Variants in GPHN observed in about 807,000 individuals in gnomAD.
The protein encoded by GPHN is gephyrin.
A neutral mutation model predicts 95.5 loss-of-function variants in GPHN; 17 were observed. The observed-to-expected ratio is 0.18, with a 90% CI of 0.12 to 0.27. The LOEUF is 0.27. GPHN is among the 10% of genes least tolerant of loss of function. The pLI, the probability that GPHN is intolerant of heterozygous loss-of-function variation, is 1.00. For missense variants in GPHN, 660 were observed against 978.1 expected (o/e 0.67, Z 4.34); for synonymous variants, 320 against 322.5 (o/e 0.99, Z 0.08).
intron 3 of GPHN, among the ~76,000 whole-genome samples, chr14:66,807,055 T>G (rs1283082467): frequency 6.6e-6 from 1 of 152,150 alleles, no homozygotes; most frequent in East Asian, 1.9e-4. Context: ...TTTATTGGAC[T>G]TACAGTTTCA....
chr14:67,222,282 T>TTTTG, the GPHN span, among the ~76,000 whole-genome samples: 3 of 152,232 alleles, frequency 2.0e-5, no homozygotes, highest in East Asian at 1.9e-4. Context: ...TATTTAATGT[T>TTTTG]TTTGTTTGTT....
intron 2 of GPHN, among the ~76,000 whole-genome samples, chr14:66,754,513 G>A (rs907780319): frequency 2.6e-5 from 4 of 151,932 alleles, no homozygotes; most frequent in Non-Finnish European, 5.9e-5. Context: ...TATGCAGCAG[G>A]TGAAGAAATG....
At position 67,181,557 on chromosome 14, in the gene GPHN, A is replaced by C. The variant is rs748067732; in HGVS notation, c.*620A>C. The stretch of plus-strand genomic sequence containing the variant: ...GCAGTAACTGGACACCTTTTATTTG[A>C]AGAAACAAACTGAAGAAAAAATGCT... On this transcript the variant is annotated 3_prime_UTR_variant, in exon 23 of 23. Transcript: ENST00000478722. 1 of 466,378 alleles carries C rather than the reference A, an allele frequency of 2.1e-6. No homozygotes were observed. Among genetic ancestry groups the C allele is most frequent in the South Asian group, 1.7e-5 (1 of 57,430 alleles). The allele number at this position is 466,378 out of a possible 1,614,324, so 28.9% of individuals were successfully genotyped here.
intron 17 of GPHN, among the ~76,000 whole-genome samples, chr14:67,140,566 A>T (rs534727458): frequency 2.6e-5 from 4 of 152,256 alleles, no homozygotes; most frequent in African/African-American, 9.6e-5. Flanking sequence ...GTTATATATT[A>T]CAAGGTTTGT....
the GPHN span, chr14:67,294,603 A>G: frequency 6.6e-6 from 1 of 152,214 alleles, no homozygotes; most frequent in African/African-American, 2.4e-5. Flanking sequence ...TCAAATTTTA[A>G]GGTCTAGATT....
At chr14:66,745,024 C>T (rs914830383) in intron 2 of GPHN, among the ~76,000 whole-genome samples, 10 of 151,960 alleles carry the variant, frequency 6.6e-5, no homozygotes, top group African/African-American at 2.2e-4. Flanking sequence ...GACAAACGTG[C>T]CTTAAAAGAT....
At chr14:67,575,134 G>C in the GPHN span, among the ~76,000 whole-genome samples, 1 of 152,250 alleles carries the variant, frequency 6.6e-6, no homozygotes, top group Non-Finnish European at 1.5e-5. Context: ...CATATGCCTG[G>C]AGGGGACATC....
chr14:67,282,905 T>C, the GPHN span, among the ~76,000 whole-genome samples: 2 of 152,106 alleles, frequency 1.3e-5, no homozygotes, highest in African/African-American at 4.8e-5. Flanking sequence ...TTCACTGTTT[T>C]TGTGTTCTCA....
intron 12 of GPHN, 50 bp downstream of exon 12, chr14:67,089,125 C>CTTTTTTTTTTTTTTTTTT (rs1264164364): frequency 1.5e-5 from 5 of 329,562 alleles, no homozygotes; most frequent in East Asian, 8.1e-5. Flanking sequence ...ATTTTTTTTT[C>CTTTTTTTTTTTTTTTTTT]TTTTTTTCTT....
the GPHN span, among the ~76,000 whole-genome samples, chr14:67,705,322 T>C: frequency 5.3e-5 from 8 of 152,258 alleles, no homozygotes; most frequent in Non-Finnish European, 1.0e-4. Flanking sequence ...TAACACTTCA[T>C]GATTCAGAAA....
intron 9 of GPHN, among the ~76,000 whole-genome samples, chr14:66,970,911 C>G (rs1327580888): frequency 6.6e-6 from 1 of 152,216 alleles, no homozygotes; most frequent in African/African-American, 2.4e-5. Flanking sequence ...ATAATATTCT[C>G]TGCATTATTG....
At chr14:67,531,555 G>C in the GPHN span, among the ~76,000 whole-genome samples, 1 of 151,790 alleles carries the variant, frequency 6.6e-6, no homozygotes, top group South Asian at 2.1e-4. Flanking sequence ...CTATAGGGGA[G>C]AGCATGCTCC....
chr14:67,539,534 T>C, the GPHN span, among the ~76,000 whole-genome samples: 4 of 152,218 alleles, frequency 2.6e-5, no homozygotes, highest in Non-Finnish European at 2.9e-5. Flanking sequence ...GGGGAGATTA[T>C]GGTGTCAGAA....
the GPHN span, chr14:67,208,481 C>A: frequency 9.4e-6 from 15 of 1,591,480 alleles, no homozygotes; most frequent in African/African-American, 1.9e-4. Flanking sequence ...CAAAGGAATT[C>A]TAAGACATGA....
the GPHN span, chr14:67,589,619 T>C: frequency 5.1e-6 from 5 of 986,154 alleles, no homozygotes; most frequent in African/African-American, 7.0e-5. Context: ...GACAGACTCG[T>C]CTTTTGTAGG....
At chr14:67,466,951 C>T in the GPHN span, among the ~76,000 whole-genome samples, 1 of 145,558 alleles carries the variant, frequency 6.9e-6, no homozygotes, top group African/African-American at 2.6e-5. Flanking sequence ...GCCGAGATCG[C>T]GCCACTGCAC....
chr14:67,385,808 A>G, the GPHN span: 2 of 152,170 alleles, frequency 1.3e-5, no homozygotes, highest in Admixed American at 1.3e-4. Flanking sequence ...TTATAGCAAA[A>G]CAAGACAAAC....
At chr14:67,554,294 G>T in the GPHN span, among the ~76,000 whole-genome samples, 1 of 152,208 alleles carries the variant, frequency 6.6e-6, no homozygotes, top group South Asian at 2.1e-4. Flanking sequence ...GATTGGGAAA[G>T]AGAGAAGGAT....
At chr14:67,216,357 C>T in the GPHN span, among the ~76,000 whole-genome samples, 18 of 151,958 alleles carry the variant, frequency 1.2e-4, no homozygotes, top group African/African-American at 4.1e-4. Context: ...ATGAGTTAAT[C>T]ACGTTTTGTT....
Sources: allele counts gnomAD v4.1 joint callset (sites outside exome capture counted in the v4.1 genomes callset), GRCh38; gene constraint gnomAD v4.1.1; transcripts MANE v1.5; gene names NCBI Gene and HGNC (gene_info 2026-07-23, HGNC 2026-07-21).